CENPE: variants seen among roughly 807,000 people sequenced by gnomAD.
CENPE encodes the protein centromere protein E, also known as centromere-associated protein E.
Under a neutral mutation model 336.1 loss-of-function variants are expected in CENPE, and 145 were observed. That is an observed-to-expected ratio of 0.43 (90% CI 0.38 to 0.50). The LOEUF is 0.50. Among genes scored for constraint, CENPE ranks in the 20% least tolerant of loss-of-function variants. The pLI, the probability that CENPE is intolerant of heterozygous loss-of-function variation, is 0.00. For missense variants in CENPE, 2,719 were observed against 3,023.3 expected (o/e 0.90, Z 2.36); for synonymous variants, 1,013 against 984.8 (o/e 1.03, Z -0.54).
At chr4:103,171,627 C>T (rs1755418363) in intron 16 of CENPE, among the ~76,000 whole-genome samples, 2 of 150,888 alleles carry the variant, frequency 1.3e-5, no homozygotes, top group Admixed American at 1.3e-4. Context: ...AAACTAAACC[C>T]CAAATTAGCA....
intron 8 of CENPE, among the ~76,000 whole-genome samples, chr4:103,191,778 AAAACTT>A (rs1161000273): frequency 6.6e-6 from 1 of 152,194 alleles, no homozygotes; most frequent in African/African-American, 2.4e-5. Context: ...CATGTACCCT[AAAACTT>A]AAAGTATAAT....
chr4:103,183,088 T>C, intron 10 of CENPE, 113 bp downstream of exon 10: 1 of 921,044 alleles, frequency 1.1e-6, no homozygotes. Context: ...ATGTATAAGT[T>C]TTTGAATATA....
chr4:103,165,942 C>T (rs987217477), intron 16 of CENPE, among the ~76,000 whole-genome samples: 5 of 150,966 alleles, frequency 3.3e-5, no homozygotes, highest in Admixed American at 3.3e-4. Flanking sequence ...GATTCTTCCT[C>T]CTCAACTGTG....
intron 47 of CENPE, 57 bp from the exon 48 acceptor site, chr4:103,109,146 T>G (rs1749167725): frequency 7.7e-7 from 1 of 1,306,862 alleles, no homozygotes; most frequent in Non-Finnish European, 1.0e-6. Context: ...TTAAGATGTA[T>G]TCACATTTAT....
Position 103,171,589 on chromosome 4 carries a change from T to C in CENPE, c.1647+3147A>G, listed in dbSNP as rs1755413979. On this transcript the variant is annotated intron_variant, in intron 16 of 48. Transcript: ENST00000265148. ...AAAGAAATCAAACTACCTAAACTAT[T>C]ACCTCGAAGAATTAGAAAAACAAGA... Among the ~76,000 whole-genome samples, 5 of 151,614 alleles carry C rather than the reference T, an allele frequency of 3.3e-5. No homozygotes were observed. The South Asian group carries it at 1.0e-3, about 32-fold the overall frequency.
rs1475157042 is a variant in CENPE at position 103,147,569 on chromosome 4, T to C, written c.3921A>G (p.Glu1307=). The change falls in exon 29 of 49, where the codon GAA becomes GAG. Residue 1307 remains glutamate, a synonymous_variant. Coordinates refer to ENST00000265148, the MANE Select transcript of CENPE (RefSeq NM_001813.3). ...EVSETQETMN[E]LELLTEQSTT... ...TGGACTGTTCTGTTAATAACTCCAG[T>C]TCATTCATTGTTTCCTGAGTCTCAC... 42 of 1,613,950 alleles carry C rather than the reference T, an allele frequency of 2.6e-5. No homozygotes were observed. The highest frequency in any genetic ancestry group is 3.4e-5 in the Non-Finnish European group (40 of 1,179,988).
chr4:103,189,228 A>G (rs1057417509), intron 8 of CENPE, among the ~76,000 whole-genome samples: 4 of 152,222 alleles, frequency 2.6e-5, no homozygotes, highest in African/African-American at 9.6e-5. Flanking sequence ...AGGAGCTGGT[A>G]CCATTCCTTC....
chr4:103,130,535 T>C (rs188287900), intron 42 of CENPE, among the ~76,000 whole-genome samples: 98 of 152,258 alleles, frequency 6.4e-4, no homozygotes, highest in Non-Finnish European at 2.9e-5. Flanking sequence ...AATGGAGAAA[T>C]ATTCCATATT....
intron 42 of CENPE, among the ~76,000 whole-genome samples, chr4:103,131,521 C>T (rs1425956544): frequency 2.0e-5 from 3 of 152,036 alleles, no homozygotes; most frequent in Admixed American, 6.6e-5. Flanking sequence ...AAAATGGTAC[C>T]GCCCCTTTGG....
Position 103,161,229 on chromosome 4 carries a change from T to C in CENPE, c.1988A>G (p.Lys663Arg). 1 of 1,609,346 alleles carries C rather than the reference T, an allele frequency of 6.2e-7. No individual in the cohort carries two copies. The change falls in exon 20 of 49, where the codon AAG (lysine) becomes AGG (arginine). Residue 663 changes from lysine to arginine, a missense_variant. By Grantham distance (26) the Lys-to-Arg change is conservative (BLOSUM62 2). Coordinates refer to ENST00000265148, the MANE Select transcript of CENPE (RefSeq NM_001813.3). ...TAACTGAATATCATTTTCCATTTGC[T>C]TGTATGTAGTTGCAAGTTCTTTCTA... Reference protein sequence around the residue: ...EKMKELATTYKQMENDIQLYQ... With the variant: ...EKMKELATTYRQMENDIQLYQ...
chr4:103,171,248 C>T (rs1755384565), intron 16 of CENPE, among the ~76,000 whole-genome samples: 1 of 152,064 alleles, frequency 6.6e-6, no homozygotes, highest in South Asian at 2.1e-4. Flanking sequence ...GCACATGGAA[C>T]ATTCTCTAAG....
intron 15 of CENPE, 113 bp from the exon 16 acceptor site, chr4:103,175,016 A>G: frequency 1.6e-6 from 1 of 636,060 alleles, no homozygotes; most frequent in Non-Finnish European, 2.5e-6. Context: ...ATATCTTTCT[A>G]AAGTTCTACA....
At chr4:103,139,050 TTCTTCCCAGCACC>T (rs549915778) in intron 38 of CENPE, among the ~76,000 whole-genome samples, 18,912 of 149,372 alleles carry the variant, frequency 0.13, 1,549 homozygotes, top group Non-Finnish European at 0.16. Context: ...TAGTCATATA[TTCTTCCCAGCACC>T]TTGGAAAAGT....
At chr4:103,165,808 AC>A (rs1460107328) in intron 16 of CENPE, among the ~76,000 whole-genome samples, 2 of 151,466 alleles carry the variant, frequency 1.3e-5, no homozygotes, top group Non-Finnish European at 2.9e-5. Flanking sequence ...ACATGGCAAG[AC>A]CCCCGTCTCT....
At chr4:103,149,726 T>C (rs545844167) in intron 26 of CENPE, among the ~76,000 whole-genome samples, 4 of 152,122 alleles carry the variant, frequency 2.6e-5, no homozygotes, top group African/African-American at 9.7e-5. Flanking sequence ...TAAAAGCACA[T>C]AGAGAGGCAC....
rs1000098885 is a variant in CENPE at position 103,177,017 on chromosome 4, G to A, written c.1272C>T (p.Cys424=). 4 of 1,607,838 alleles carry A rather than the reference G, an allele frequency of 2.5e-6. No homozygotes were observed. The highest frequency in any genetic ancestry group is 1.7e-5 in the Admixed American group (1 of 58,878). Residue 424 remains cysteine (C), a synonymous_variant, in exon 14 of 49, where the codon TGC becomes TGT. Coordinates refer to ENST00000265148, the MANE Select transcript of CENPE (RefSeq NM_001813.3). ...KAKRKRRVTW[C]LGKINKMKNS... is the part of the protein sequence containing the mutation. ...TCTTCATTTTGTTAATTTTGCCAAG[G>A]CACCAAGTAACTCTTCGTTTTCTTT...
At position 103,174,901 on chromosome 4, in the gene CENPE, C is replaced by A; in HGVS notation, c.1482G>T (p.Glu494Asp). Reference protein sequence around the residue: ...WNPATKLLNQENIESELNSLR... With the variant: ...WNPATKLLNQDNIESELNSLR... ...GTGAGTTCAACTCACTTTCTATATTCTCCTATTATAAACAAGAACAGATTT... is the reference window on the plus strand; with the variant it reads ...GTGAGTTCAACTCACTTTCTATATTATCCTATTATAAACAAGAACAGATTT... Residue 494 changes from glutamate to aspartate, a missense_variant and splice_region_variant, in exon 16 of 49, where the codon GAG (glutamate) becomes GAT (aspartate). Glu to Asp is a conservative substitution (Grantham distance 45). This residue lies in a region of CENPE where 2,437 missense variants were observed against 2,513.3 expected (regional missense o/e 0.97). Transcript: ENST00000265148. 1 of 1,449,122 alleles carries A rather than the reference C, an allele frequency of 6.9e-7. No individual in the cohort carries two copies. Among genetic ancestry groups the A allele is most frequent in the South Asian group, 1.5e-5 (1 of 67,178 alleles). The allele number at this position is 1,449,122 out of a possible 1,614,324, so 89.8% of individuals were successfully genotyped here.
Position 103,132,714 on chromosome 4 carries a change from G to C in CENPE, c.6903C>G (p.Asn2301Lys). The C allele has an allele frequency of 6.5e-7, 1 of 1,534,460 alleles. No homozygotes were observed. Among genetic ancestry groups the C allele is most frequent in the Non-Finnish European group, 8.9e-7 (1 of 1,120,542 alleles). Residue 2301 changes from asparagine (N) to lysine (K), a missense_variant, in exon 42 of 49, where the codon AAC (asparagine) becomes AAG (lysine). Transcript: ENST00000265148. Reference sequence around the variant, plus strand: ...TTACAATTATTCTGTTATTAAAGAAGTTATTCACTTGACAAATCCTATCAT... The same window carrying C: ...TTACAATTATTCTGTTATTAAAGAACTTATTCACTTGACAAATCCTATCAT... ...KENDRICQVN[N>K]FFNNRIIAIM...
chr4:103,112,686 GTA>G (rs1191149458), intron 46 of CENPE, among the ~76,000 whole-genome samples: 6 of 127,680 alleles, frequency 4.7e-5, no homozygotes, highest in Non-Finnish European at 7.9e-5. Flanking sequence ...ATACTTGTAA[GTA>G]TATATAAGTG....
Sources: gnomAD v4.1 joint callset for allele counts (sites outside exome capture counted in the v4.1 genomes callset) on GRCh38, gnomAD v4.1.1 for gene constraint, gnomAD v4.1.1 regional missense constraint, MANE v1.5 for transcripts, NCBI Gene and HGNC (gene_info 2026-07-23, HGNC 2026-07-21) for gene names.